The following RBFOX1 variants were observed in gnomAD, a reference collection of about 807,000 sequenced individuals.
RBFOX1 encodes the protein RNA binding fox-1 homolog 1, also known as RNA binding protein fox-1 homolog 1.
A neutral mutation model predicts 57.7 loss-of-function variants in RBFOX1; 8 were observed. The ratio of observed to expected loss-of-function variants is 0.14; its 90% CI spans 0.08 to 0.25. RBFOX1 has a LOEUF of 0.25. Among genes scored for constraint, RBFOX1 ranks in the 10% least tolerant of loss-of-function variants. The probability of loss-of-function intolerance (pLI) is 1.00; values close to 1 mark genes in which losing one functional copy is unlikely to be tolerated. For synonymous variants in RBFOX1, 326 were observed against 222.4 expected (o/e 1.47, Z -4.15); for missense variants, 611 against 548.5 (o/e 1.11, Z -1.14).
intron 4 of RBFOX1, among the ~76,000 whole-genome samples, chr16:7,193,342 C>A (rs1463658119): frequency 6.6e-6 from 1 of 152,172 alleles, no homozygotes; most frequent in South Asian, 2.1e-4. Context: ...AGATTCTTCC[C>A]TAGAACCTCC....
chr16:6,857,094 A>G (rs1036471004), intron 3 of RBFOX1, among the ~76,000 whole-genome samples: 2 of 152,076 alleles, frequency 1.3e-5, no homozygotes, highest in East Asian at 3.9e-4. Flanking sequence ...TTGTGAAGTG[A>G]TTGCTTCAAA....
At chr16:6,497,996 C>G (rs751687913) in intron 2 of RBFOX1, among the ~76,000 whole-genome samples, 2 of 152,028 alleles carry the variant, frequency 1.3e-5, no homozygotes, top group Admixed American at 1.3e-4. Context: ...TGCCTGTAAT[C>G]CCAACACTTT....
intron 1 of RBFOX1, among the ~76,000 whole-genome samples, chr16:6,309,656 G>A (rs74376470): frequency 0.024 from 3,613 of 151,944 alleles, 157 homozygotes; most frequent in African/African-American, 0.082. Context: ...GGCTCAAAGG[G>A]AGGCGGTGTG....
intron 3 of RBFOX1, among the ~76,000 whole-genome samples, chr16:5,675,811 C>T (rs1182469276): frequency 2.0e-5 from 3 of 152,176 alleles, no homozygotes; most frequent in South Asian, 4.2e-4. Context: ...TCTGGCAGCT[C>T]CTGGAAGTTG....
At position 5,390,470 on chromosome 16, in the gene RBFOX1, G is replaced by T. The variant is rs539621259; in HGVS notation, c.220-76746G>T. On this transcript the variant is annotated intron_variant, in intron 1 of 2. Transcript: ENST00000585867. Reference sequence around the variant, plus strand: ...CACTCGGCTACTTTTTATATTTTTCGTAGAGACGGGGTTTCACCGTGTTGG... The same window carrying T: ...CACTCGGCTACTTTTTATATTTTTCTTAGAGACGGGGTTTCACCGTGTTGG... 1.9e-3 allele frequency among the ~76,000 whole-genome samples: 291 copies of T among 151,826 alleles called. 3 individuals carry two copies. The highest frequency in any genetic ancestry group is 6.5e-3 in the African/African-American group (268 of 41,374).
intron 3 of RBFOX1, among the ~76,000 whole-genome samples, chr16:6,907,546 C>G (rs776942124): frequency 3.3e-5 from 5 of 152,060 alleles, no homozygotes; most frequent in Non-Finnish European, 5.9e-5. Context: ...ATGCCTCTCT[C>G]TTAGCTTCTG....
At position 5,902,998 on chromosome 16, in the gene RBFOX1, C is replaced by G. The variant is rs369405206; in HGVS notation, c.351+35663C>G. ...TGTTTCTAAACTCCCCCACCCTCAA[C>G]AAACGTGTGCACCCCTTTCCAGCCT... is the stretch of plus-strand genomic sequence containing the variant. On this transcript the variant is annotated intron_variant, in intron 4 of 19. Coordinates refer to the RBFOX1 transcript ENST00000641259. Among the ~76,000 whole-genome samples, 3 of 152,252 alleles carry G rather than the reference C, an allele frequency of 2.0e-5. No homozygotes were observed. In the East Asian group the frequency reaches 5.8e-4, roughly 29 times the overall value.
At chr16:7,530,361 A>G (rs2079738392) in intron 5 of RBFOX1, among the ~76,000 whole-genome samples, 1 of 152,174 alleles carries the variant, frequency 6.6e-6, no homozygotes, top group South Asian at 2.1e-4. Context: ...TGAAATAGAC[A>G]AAGTCCCAAT....
chr16:6,255,400 G>T (rs2097654330), intron 1 of RBFOX1, among the ~76,000 whole-genome samples: 1 of 152,154 alleles, frequency 6.6e-6, no homozygotes, highest in South Asian at 2.1e-4. Flanking sequence ...GCCAAGAGGT[G>T]AAAGGGCACA....
intron 4 of RBFOX1, among the ~76,000 whole-genome samples, chr16:7,095,200 G>A (rs1479167866): frequency 1.3e-5 from 2 of 152,048 alleles, no homozygotes; most frequent in Non-Finnish European, 2.9e-5. Context: ...GCAGTGGCAC[G>A]ATCTCAGCTC....
At chr16:6,787,950 C>T (rs911361352) in intron 3 of RBFOX1, among the ~76,000 whole-genome samples, 10 of 152,120 alleles carry the variant, frequency 6.6e-5, no homozygotes, top group Admixed American at 5.9e-4. Context: ...AGGCCGGGCA[C>T]GGTGGCTCAT....
At chr16:7,275,732 A>G (rs1424711878) in intron 4 of RBFOX1, among the ~76,000 whole-genome samples, 2 of 152,238 alleles carry the variant, frequency 1.3e-5, no homozygotes, top group Admixed American at 1.3e-4. Context: ...TTTTGATGGC[A>G]TATGCCACAA....
At chr16:5,496,087 C>G (rs2042992512) in intron 2 of RBFOX1, among the ~76,000 whole-genome samples, 1 of 152,110 alleles carries the variant, frequency 6.6e-6, no homozygotes, top group African/African-American at 2.4e-5. Flanking sequence ...CATCGCACCA[C>G]CACACTCCAG....
intron 3 of RBFOX1, among the ~76,000 whole-genome samples, chr16:6,655,498 T>G (rs1408231203): frequency 6.6e-6 from 1 of 151,428 alleles, no homozygotes; most frequent in Non-Finnish European, 1.5e-5. Context: ...CAATGCCATT[T>G]TCTACATATT....
At chr16:6,212,159 A>G (rs1159709999) in intron 1 of RBFOX1, among the ~76,000 whole-genome samples, 2 of 152,130 alleles carry the variant, frequency 1.3e-5, no homozygotes, top group South Asian at 2.1e-4. Flanking sequence ...TCCTCGGCCA[A>G]TATGCTGTTA....
At chr16:6,750,490 C>A (rs1039987232) in intron 3 of RBFOX1, among the ~76,000 whole-genome samples, 1 of 152,190 alleles carries the variant, frequency 6.6e-6, no homozygotes, top group Non-Finnish European at 1.5e-5. Context: ...TATTTCTTGA[C>A]ATATGTTTCT....
At chr16:5,879,241 T>C (rs528192212) in intron 4 of RBFOX1, among the ~76,000 whole-genome samples, 9 of 152,324 alleles carry the variant, frequency 5.9e-5, no homozygotes, top group South Asian at 4.1e-4. Context: ...TGAGTTCCAA[T>C]GAGCAAATGC....
chr16:6,659,924 A>G (rs1011543528), intron 3 of RBFOX1, among the ~76,000 whole-genome samples: 3 of 152,086 alleles, frequency 2.0e-5, no homozygotes, highest in Non-Finnish European at 4.4e-5. Context: ...CGGGTTAGAA[A>G]TTATTGCTTA....
At chr16:5,300,612 G>T (rs1245337300) in intron 1 of RBFOX1, among the ~76,000 whole-genome samples, 3 of 152,064 alleles carry the variant, frequency 2.0e-5, no homozygotes, top group African/African-American at 2.4e-5. Context: ...GATGAAATTT[G>T]CCAGTGAAGA....
Sources: allele counts gnomAD v4.1 joint callset (sites outside exome capture counted in the v4.1 genomes callset), GRCh38; gene constraint gnomAD v4.1.1; transcripts MANE v1.5; gene names NCBI Gene and HGNC (gene_info 2026-07-23, HGNC 2026-07-21).